Variants in SALL3 observed in about 807,000 individuals in gnomAD.
SALL3 encodes sal-like protein 3.
SALL3 carries 25 observed loss-of-function variants against 66.2 expected under a neutral mutation model. The observed-to-expected ratio is 0.38, with a 90% confidence interval of 0.28 to 0.53. The LOEUF is 0.53. Among genes scored for constraint, SALL3 ranks in the 20% least tolerant of loss-of-function variants. SALL3 has a pLI of 0.85. For synonymous variants in SALL3, 1,152 were observed against 899.1 expected (o/e 1.28, Z -5.03); for missense variants, 2,194 against 1,916.5 (o/e 1.14, Z -2.70).
intron 1 of SALL3, among the ~76,000 whole-genome samples, chr18:78,987,471 C>T (rs557106953): frequency 6.6e-6 from 1 of 152,128 alleles, no homozygotes; most frequent in African/African-American, 2.4e-5. Flanking sequence ...GACCTTCCTC[C>T]CCTCTTCTGT....
rs769324404 is a variant in SALL3, at chr18:78,992,594, C to G, written c.603C>G (p.Ala201=). Residue 201 remains alanine, a synonymous_variant, in exon 2 of 3, where the codon GCC becomes GCG. Coordinates refer to ENST00000537592, the MANE Select transcript of SALL3 (RefSeq NM_171999.4). The stretch of plus-strand genomic sequence containing the variant: ...CAGGTGGAGGCGTGGCAGCTGCAGC[C>G]GTGCCCCTGATCCTGGAACAGCTCA... ...SGAGGGVAAA[A]VPLILEQLMA... 136 of 1,525,998 alleles carry G rather than the reference C, an allele frequency of 8.9e-5. No homozygotes were observed. Among genetic ancestry groups the G allele is most frequent in the Non-Finnish European group, 1.1e-4 (131 of 1,144,772 alleles). 94.5% of individuals were successfully genotyped at this position (1,525,998 alleles called of 1,614,324 possible).
intron 1 of SALL3, among the ~76,000 whole-genome samples, chr18:78,988,451 T>C (rs1230819393): frequency 2.6e-5 from 4 of 152,232 alleles, no homozygotes; most frequent in African/African-American, 9.6e-5. Context: ...CACTCCTCAG[T>C]CTGCAAGCCA....
At position 78,994,514 on chromosome 18, in the gene SALL3, C is replaced by A. The variant is rs373611197; in HGVS notation, c.2523C>A (p.Ala841=). Residue 841 remains alanine (A), a synonymous_variant, in exon 2 of 3, where the codon GCC becomes GCA. Transcript: ENST00000537592. ...CGCCCTCGGTCATCTCCAGCATTGC[C>A]GCCCTGGAGAACCAGATGAAGATGA... ...PSPPSVISSI[A]ALENQMKMID... is the part of the protein sequence containing the mutation. 1.9e-6 allele frequency: 3 copies of A among 1,611,414 alleles called. No homozygotes were observed. Among genetic ancestry groups the A allele is most frequent in the Non-Finnish European group, 2.5e-6 (3 of 1,179,492 alleles).
In SALL3 at chr18:78,992,992, C is replaced by T. The variant is rs904578012; in HGVS notation, c.1001C>T (p.Ser334Leu). The T allele has an allele frequency of 6.2e-6, 9 of 1,452,704 alleles. No individual in the cohort carries two copies. Among genetic ancestry groups the T allele is most frequent in the South Asian group, 1.4e-5 (1 of 70,026 alleles). 90.0% of individuals were successfully genotyped at this position (1,452,704 alleles called of 1,614,324 possible). ...APAPAPQSAASSQPQSASTPP... is the reference protein window; with the variant it reads ...APAPAPQSAALSQPQSASTPP... The stretch of plus-strand genomic sequence containing the variant: ...GCGCCAGCGCCGCAGAGCGCAGCCT[C>T]GTCGCAGCCGCAGAGCGCATCCACG... The change falls in exon 2 of 3, where the codon TCG (serine) becomes TTG (leucine). Residue 334 changes from serine to leucine, a missense_variant. Physicochemically the swap from Ser to Leu is moderately radical, Grantham distance 145. Coordinates refer to ENST00000537592, the MANE Select transcript of SALL3 (RefSeq NM_171999.4).
intron 1 of SALL3, among the ~76,000 whole-genome samples, chr18:78,990,255 A>G (rs1472198783): frequency 6.6e-6 from 1 of 152,176 alleles, no homozygotes; most frequent in Non-Finnish European, 1.5e-5. Context: ...CTTCCTCCAT[A>G]CAGTAATGAG....
rs775593065 is a variant in SALL3 at position 78,994,696 on chromosome 18, C to T, written c.2705C>T (p.Ser902Leu). 15 of 1,606,814 alleles carry T rather than the reference C, an allele frequency of 9.3e-6. No individual in the cohort carries two copies. The South Asian group carries it at 1.4e-4, about 15-fold the overall frequency. ...CCCGCCCTGTCCGAGTCCTCGTCCT[C>T]GCAGGCCCTGTCGCCGGCCCCCAGC... ...GSPALSESSS[S>L]QALSPAPSNG... Residue 902 changes from serine (S) to leucine (L), a missense_variant, in exon 2 of 3, where the codon TCG (serine) becomes TTG (leucine). Coordinates refer to ENST00000537592, the MANE Select transcript of SALL3 (RefSeq NM_171999.4).
At position 78,992,122 on chromosome 18, in the gene SALL3, G is replaced by T; in HGVS notation, c.131G>T (p.Arg44Leu). 2 of 1,596,348 alleles carry T rather than the reference G, an allele frequency of 1.3e-6. No homozygotes were observed. Among genetic ancestry groups the T allele is most frequent in the Non-Finnish European group, 1.7e-6 (2 of 1,172,466 alleles). Residue 44 changes from arginine (R) to leucine (L), a missense_variant, in exon 2 of 3, where the codon CGC becomes CTC. By Grantham distance (102) the Arg-to-Leu change is moderately radical. Transcript: ENST00000537592. ...GACGCAGACAGCGGGCCCGAGAGCC[G>T]CAGCGGGGGCGAGGAGACCAGCGTG... Reference protein sequence around the residue: ...AEDADSGPESRSGGEETSVCE... With the variant: ...AEDADSGPESLSGGEETSVCE...
In SALL3 at chr18:78,992,335, C is replaced by G; in HGVS notation, c.344C>G (p.Ala115Gly). 19 of 1,426,184 alleles carry G rather than the reference C, an allele frequency of 1.3e-5. No homozygotes were observed. Among genetic ancestry groups the G allele is most frequent in the African/African-American group, 3.0e-5 (2 of 66,720 alleles). 88.3% of individuals were successfully genotyped at this position (1,426,184 alleles called of 1,614,324 possible). A position where few individuals can be genotyped will look rare whatever the true frequency, so the allele number is the denominator to read the frequency against. ...GCCGAAAGCGAGGCGGCCGAGGAGG[C>G]GGGTGCGGAGGGCGCGGAGGGCGAG... ...ERAESEAAEE[A>G]GAEGAEGEAR... The change falls in exon 2 of 3, where the codon GCG becomes GGG. Residue 115 changes from alanine to glycine, a missense_variant. Physicochemically the swap from Ala to Gly is moderately conservative, Grantham distance 60. Transcript: ENST00000537592.
chr18:78,995,246 G>T lies in SALL3; in HGVS notation c.3255G>T (p.Gln1085His). The T allele has an allele frequency of 6.3e-7, 1 of 1,599,650 alleles. No homozygotes were observed. Among genetic ancestry groups the T allele is most frequent in the Non-Finnish European group, 8.5e-7 (1 of 1,177,778 alleles). The change falls in exon 2 of 3, where the codon CAG (glutamine) becomes CAT (histidine). Residue 1085 changes from glutamine (Q) to histidine (H), a missense_variant. By Grantham distance (24) the Gln-to-His change is conservative (BLOSUM62 0). Coordinates refer to ENST00000537592, the MANE Select transcript of SALL3 (RefSeq NM_171999.4). ...GEGPPLPAGVQVPAGPQTVMG... is the reference protein window; with the variant it reads ...GEGPPLPAGVHVPAGPQTVMG... ...GTCCCCCGCTGCCCGCGGGCGTCCA[G>T]GTCCCCGCCGGGCCTCAGACAGTGA...
intron 1 of SALL3, among the ~76,000 whole-genome samples, chr18:78,981,808 A>G (rs1914084229): frequency 6.6e-6 from 1 of 152,186 alleles, no homozygotes; most frequent in Non-Finnish European, 1.5e-5. Flanking sequence ...AGAATTTCTC[A>G]CACTTGGTTT....
chr18:78,997,659 A>G lies in SALL3; in HGVS notation c.*337A>G. On this transcript the variant is annotated 3_prime_UTR_variant, in exon 3 of 3. Coordinates refer to ENST00000537592, the MANE Select transcript of SALL3 (RefSeq NM_171999.4). ...GAGGGAGAAAGGGGTTCTCTGCGGT[A>G]TTCCAGTGAAACTCATTTGATGGTT... 3 of 323,252 alleles carry G rather than the reference A, an allele frequency of 9.3e-6. No individual in the cohort carries two copies. The East Asian group carries it at 1.5e-4, about 16-fold the overall frequency. The allele number at this position is 323,252 out of a possible 1,614,324, so 20.0% of individuals were successfully genotyped here.
Position 78,997,255 on chromosome 18 carries a change from C to G in SALL3, c.3836C>G (p.Ser1279Ter). 3 of 1,614,020 alleles carry G rather than the reference C, an allele frequency of 1.9e-6. No individual in the cohort carries two copies. The highest frequency in any genetic ancestry group is 2.5e-6 in the Non-Finnish European group (3 of 1,180,046). Reference sequence around the variant, plus strand: ...ATCGTCAGCTTGGACAAAGCGAGCTCAGAAACAGCAGCCAGCCGCCCATTC... The same window carrying G: ...ATCGTCAGCTTGGACAAAGCGAGCTGAGAAACAGCAGCCAGCCGCCCATTC... ...PPIVSLDKAS[S>*]ETAASRPFTR... The change falls in exon 3 of 3, where the codon TCA (serine) becomes TGA (stop). Residue 1279 changes from serine (S) to a stop codon, truncating the protein, a stop_gained. Coordinates refer to ENST00000537592, the MANE Select transcript of SALL3 (RefSeq NM_171999.4). LOFTEE classifies it high-confidence loss of function.
In SALL3 at chr18:78,992,390, C is replaced by G. The variant is rs1381833087; in HGVS notation, c.399C>G (p.Pro133=). The change falls in exon 2 of 3, where the codon CCC becomes CCG. Residue 133 remains proline (P), a synonymous_variant. Coordinates refer to ENST00000537592, the MANE Select transcript of SALL3 (RefSeq NM_171999.4). ...EARPVEKEAE[P]MDAEPAGDTR... is the part of the protein sequence containing the mutation. ...GGCCGGTGGAGAAGGAGGCCGAGCC[C>G]ATGGACGCGGAACCCGCGGGGGACA... The G allele has an allele frequency of 2.8e-5, 37 of 1,326,468 alleles. No homozygotes were observed. Among genetic ancestry groups the G allele is most frequent in the Admixed American group, 4.2e-5 (1 of 23,536 alleles). The allele number at this position is 1,326,468 out of a possible 1,614,324, so 82.2% of individuals were successfully genotyped here.
intron 1 of SALL3, among the ~76,000 whole-genome samples, chr18:78,987,690 C>T (rs1914292857): frequency 1.3e-5 from 2 of 152,290 alleles, no homozygotes; most frequent in South Asian, 4.1e-4. Context: ...CAGAGCAGGT[C>T]CTGAGGCCAC....
At chr18:78,988,800 A>G (rs544807665) in intron 1 of SALL3, among the ~76,000 whole-genome samples, 123 of 152,362 alleles carry the variant, frequency 8.1e-4, no homozygotes, top group Non-Finnish European at 1.5e-3. Flanking sequence ...ACACACCTCA[A>G]TAGAAAATAT....
Position 78,993,045 on chromosome 18 carries a change from C to A in SALL3, c.1054C>A (p.Leu352Met). The stretch of plus-strand genomic sequence containing the variant: ...GCCTGCCCTGGCCCCGGGGTCCCTG[C>A]TGGGTGCGGCGCCCGGCCTGCCAAG... The part of the protein sequence containing the change: ...TPPALAPGSL[L>M]GAAPGLPSPL... Residue 352 changes from leucine (L) to methionine (M), a missense_variant, in exon 2 of 3, where the codon CTG (leucine) becomes ATG (methionine). Coordinates refer to ENST00000537592, the MANE Select transcript of SALL3 (RefSeq NM_171999.4). The A allele has an allele frequency of 6.3e-7, 1 of 1,581,080 alleles. No homozygotes were observed. The highest frequency in any genetic ancestry group is 2.3e-5 in the East Asian group (1 of 43,566).
At position 78,998,397 on chromosome 18, in the gene SALL3, C is replaced by T. The variant is rs1017062021; in HGVS notation, c.*1075C>T. On this transcript the variant is annotated 3_prime_UTR_variant, in exon 3 of 3. Coordinates refer to ENST00000537592, the MANE Select transcript of SALL3 (RefSeq NM_171999.4). ...TATGGTCAAACAATATTAGAAATCT[C>T]TGCCACTTGAAAAGCCACCAAGACT... 3 of 152,194 alleles carry T rather than the reference C, an allele frequency of 2.0e-5. No individual in the cohort carries two copies. The highest frequency in any genetic ancestry group is 7.2e-5 in the African/African-American group (3 of 41,446). 9.4% of individuals were successfully genotyped at this position (152,194 alleles called of 1,614,324 possible).
intron 1 of SALL3, among the ~76,000 whole-genome samples, chr18:78,989,668 AGTTATACATTTTAT>A (rs1914360494): frequency 6.6e-6 from 1 of 152,244 alleles, no homozygotes; most frequent in African/African-American, 2.4e-5. Context: ...GTAGCATATA[AGTTATACATTTTAT>A]CTCCTGTAAG....
rs1300292726 is a variant in SALL3, at chr18:78,993,559, C to T, written c.1568C>T (p.Pro523Leu). The T allele has an allele frequency of 6.3e-7, 1 of 1,591,656 alleles. No homozygotes were observed. The highest frequency in any genetic ancestry group is 1.7e-5 in the Admixed American group (1 of 58,032). ...LDSKPVLPTVPTSVGLQLPPT... is the reference protein window; with the variant it reads ...LDSKPVLPTVLTSVGLQLPPT... Reference sequence around the variant, plus strand: ...AGCAAGCCCGTGCTGCCCACCGTGCCCACGTCCGTGGGGCTGCAACTGCCG... The same window carrying T: ...AGCAAGCCCGTGCTGCCCACCGTGCTCACGTCCGTGGGGCTGCAACTGCCG... Residue 523 changes from proline to leucine, a missense_variant, in exon 2 of 3, where the codon CCC becomes CTC. Transcript: ENST00000537592.
Sources: gnomAD v4.1 joint callset for allele counts (sites outside exome capture counted in the v4.1 genomes callset) on GRCh38, gnomAD v4.1.1 for gene constraint, MANE v1.5 for transcripts, NCBI Gene and HGNC (gene_info 2026-07-23, HGNC 2026-07-21) for gene names.